The following GRB10 variants were observed in gnomAD, a reference collection of about 807,000 sequenced individuals.
GRB10 encodes the protein growth factor receptor bound protein 10, also known as growth factor receptor-bound protein 10.
A neutral mutation model predicts 80.9 loss-of-function variants in GRB10; 20 were observed. That is an observed-to-expected ratio of 0.25 (90% CI 0.17 to 0.36). The LOEUF (loss-of-function observed/expected upper bound fraction) is 0.36. Among genes scored for constraint, GRB10 ranks in the 10% least tolerant of loss-of-function variants. The pLI, the probability that GRB10 is intolerant of heterozygous loss-of-function variation, is 1.00. For missense variants in GRB10, 548 were observed against 747.7 expected, an observed-to-expected ratio of 0.73 and a Z score of 3.12; for synonymous variants, 291 against 291.5, an observed-to-expected ratio of 1.00 and a Z score of 0.02.
chr7:50,690,542 C>T (rs2158918), intron 5 of GRB10, among the ~76,000 whole-genome samples: 11,212 of 152,228 alleles, frequency 0.074, 1,412 homozygotes, highest in African/African-American at 0.26. Context: ...CTTCCTTGGA[C>T]GGAAACGGTC....
At chr7:50,710,931 C>T (rs2065801621) in intron 4 of GRB10, 1 of 1,610,476 alleles carries the variant, frequency 6.2e-7, no homozygotes, top group Non-Finnish European at 8.5e-7. Flanking sequence ...CTCCCTCTCT[C>T]TACAGTGGGT....
rs1025474681 is a variant in GRB10, at chr7:50,650,076, C to G, written c.504+19646G>C. The stretch of plus-strand genomic sequence containing the variant: ...GGGGGAGGCTGAGGACAGAGGCTTG[C>G]GGGCCTCCAAACACCAAGCAGCCTG... On this transcript the variant is annotated intron_variant, in intron 7 of 18. Coordinates refer to ENST00000401949, the MANE Select transcript of GRB10 (RefSeq NM_001350814.2). Among the ~76,000 whole-genome samples the G allele has an allele frequency of 3.3e-5, 5 of 152,114 alleles. No homozygotes were observed. The East Asian group carries it at 9.7e-4, about 30-fold the overall frequency.
intron 3 of GRB10, among the ~76,000 whole-genome samples, chr7:50,734,034 T>C (rs914755702): frequency 6.6e-6 from 1 of 151,992 alleles, no homozygotes; most frequent in East Asian, 1.9e-4. Flanking sequence ...TCTTTATATA[T>C]TGAATACATA....
chr7:50,792,685 G>C (rs1245669739), intron 1 of GRB10: 7 of 381,090 alleles, frequency 1.8e-5, no homozygotes, highest in Non-Finnish European at 3.2e-5. Context: ...GGGCCGGCTC[G>C]GGATTTGGGA....
rs116404874 is a variant in GRB10 at position 50,744,486 on chromosome 7, A to G, written c.-47+11401T>C. Among the ~76,000 whole-genome samples the G allele has an allele frequency of 9.9e-3, 1,507 of 152,260 alleles. 29 individuals are homozygous for G. The highest frequency in any genetic ancestry group is 0.034 in the African/African-American group (1,422 of 41,554). On this transcript the variant is annotated intron_variant, in intron 3 of 18. Transcript: ENST00000401949. ...TTTACTCCCCAAAAACTTACCTACT[A>G]ATGACCTACTGTTGACTAGAAGCTT...
chr7:50,683,720 G>A (rs1220793721), intron 5 of GRB10, among the ~76,000 whole-genome samples: 1 of 152,082 alleles, frequency 6.6e-6, no homozygotes, highest in African/African-American at 2.4e-5. Context: ...CTGGGTGACA[G>A]AGCGAGACTC....
intron 10 of GRB10, 85 bp downstream of exon 10, chr7:50,617,986 G>T: frequency 8.8e-7 from 1 of 1,136,030 alleles, no homozygotes; most frequent in Non-Finnish European, 1.3e-6. Flanking sequence ...GATCTCTTTA[G>T]GTTTTTTACA....
intron 3 of GRB10, among the ~76,000 whole-genome samples, chr7:50,733,125 C>T (rs1563643115): frequency 6.6e-6 from 1 of 152,042 alleles, no homozygotes; most frequent in African/African-American, 2.4e-5. Context: ...AGGGTGGGCC[C>T]TAATCCAATA....
chr7:50,599,682 A>G (rs1585451314), intron 17 of GRB10, among the ~76,000 whole-genome samples: 2 of 152,336 alleles, frequency 1.3e-5, no homozygotes, highest in Non-Finnish European at 1.5e-5. Flanking sequence ...GGGGAACGGA[A>G]GGTAACAGAG....
At chr7:50,696,111 C>T (rs548573425) in intron 5 of GRB10, among the ~76,000 whole-genome samples, 4 of 152,282 alleles carry the variant, frequency 2.6e-5, no homozygotes, top group African/African-American at 9.6e-5. Flanking sequence ...TTGTCTTTCC[C>T]TATTTCCTTT....
At position 50,592,935 on chromosome 7, in the gene GRB10, C is replaced by T. The variant is rs769446325; in HGVS notation, c.*17G>A. 5.3e-5 allele frequency: 86 copies of T among 1,613,888 alleles called. No homozygotes were observed. The Admixed American group carries it at 1.1e-3, about 21-fold the overall frequency. ...GTGTTCACTTCCTCCAGTCTTCAGC[C>T]GAGAGGACATCTGCGGTCATAAGGC... On this transcript the variant is annotated 3_prime_UTR_variant, in exon 19 of 19. Coordinates refer to ENST00000401949, the MANE Select transcript of GRB10 (RefSeq NM_001350814.2).
chr7:50,741,788 C>T (rs895684142), intron 3 of GRB10, among the ~76,000 whole-genome samples: 3 of 152,014 alleles, frequency 2.0e-5, no homozygotes, highest in Non-Finnish European at 4.4e-5. Context: ...ACCCATCCAT[C>T]TTGAACCAGA....
chr7:50,667,042 C>A (rs865883656), intron 7 of GRB10, among the ~76,000 whole-genome samples: 706 of 107,972 alleles, frequency 6.5e-3, no homozygotes, highest in South Asian at 7.2e-3. Flanking sequence ...GACTCTGTCT[C>A]AAAAAAAAAA....
chr7:50,627,441 G>A (rs1299147327), intron 7 of GRB10, among the ~76,000 whole-genome samples: 4 of 152,184 alleles, frequency 2.6e-5, no homozygotes, highest in African/African-American at 9.7e-5. Context: ...CCAGGGCACA[G>A]GGTCCAGCAG....
intron 7 of GRB10, among the ~76,000 whole-genome samples, chr7:50,653,024 C>T (rs916147259): frequency 6.6e-6 from 1 of 152,168 alleles, no homozygotes; most frequent in Non-Finnish European, 1.5e-5. Context: ...AATTTTTGTC[C>T]CCTCTCATGT....
At chr7:50,620,284 C>T (rs115984407) in intron 8 of GRB10, among the ~76,000 whole-genome samples, 2,209 of 152,258 alleles carry the variant, frequency 0.015, 43 homozygotes, top group African/African-American at 0.051. Context: ...GAATTGACAC[C>T]AGGGTAGTTC....
chr7:50,688,797 G>A (rs1299207800), intron 5 of GRB10, among the ~76,000 whole-genome samples: 1 of 152,032 alleles, frequency 6.6e-6, no homozygotes, highest in East Asian at 1.9e-4. Context: ...GTGAGGGGGG[G>A]CAGAGGTGGA....
chr7:50,631,975 T>C (rs1376185410), intron 7 of GRB10, among the ~76,000 whole-genome samples: 1 of 152,090 alleles, frequency 6.6e-6, no homozygotes, highest in Non-Finnish European at 1.5e-5. Context: ...CCAGGTGGGC[T>C]CCAAGGCTTC....
intron 2 of GRB10, among the ~76,000 whole-genome samples, chr7:50,757,005 A>T (rs954001821): frequency 6.6e-6 from 1 of 152,170 alleles, no homozygotes; most frequent in Non-Finnish European, 1.5e-5. Flanking sequence ...GAAGAGTCAG[A>T]AGCTAAATTT....
Sources: allele counts gnomAD v4.1 joint callset (sites outside exome capture counted in the v4.1 genomes callset), GRCh38; gene constraint gnomAD v4.1.1; transcripts MANE v1.5; gene names NCBI Gene and HGNC (gene_info 2026-07-23, HGNC 2026-07-21).